The following HDAC9 variants were observed in gnomAD, a reference collection of about 807,000 sequenced individuals.
HDAC9 encodes MEF-2 interacting transcription repressor (MITR) protein.
HDAC9 carries 41 observed loss-of-function variants against 139.4 expected under a neutral mutation model. The ratio of observed to expected loss-of-function variants is 0.29; its 90% CI spans 0.23 to 0.38. HDAC9 has a LOEUF of 0.38. Among genes scored for constraint, HDAC9 ranks in the 10% least tolerant of loss-of-function variants. The pLI, the probability that HDAC9 is intolerant of heterozygous loss-of-function variation, is 1.00. For missense variants in HDAC9, 1,147 were observed against 1,297.0 expected (o/e 0.88, Z 1.78); for synonymous variants, 517 against 476.2 (o/e 1.09, Z -1.12).
intron 22 of HDAC9, chr7:18,907,148 C>T (rs530648958): frequency 1.3e-5 from 2 of 152,304 alleles, no homozygotes; most frequent in African/African-American, 4.8e-5. Flanking sequence ...GGGTAGGAGT[C>T]AATCCTGCAG....
intron 21 of HDAC9, among the ~76,000 whole-genome samples, chr7:18,846,145 T>G (rs1292135684): frequency 6.6e-6 from 1 of 152,210 alleles, no homozygotes. Flanking sequence ...TGGGAAAAGT[T>G]TTTAATTCAA....
chr7:18,580,387 A>G lies in HDAC9; in HGVS notation c.23-4894A>G, dbSNP rs559667580. 1.2e-4 allele frequency among the ~76,000 whole-genome samples: 19 copies of G among 152,310 alleles called. No homozygotes were observed. The South Asian group carries it at 3.9e-3, about 32-fold the overall frequency. ...AGAACGGGCAGGACTTTGCAAGGTG[A>G]TAATTAAGACTAGTTAATATTTATG... On this transcript the variant is annotated intron_variant, in intron 2 of 25. Coordinates refer to ENST00000686413, the MANE Select transcript of HDAC9 (RefSeq NM_178425.4).
chr7:18,358,709 T>C (rs1256973392), intron 1 of HDAC9, among the ~76,000 whole-genome samples: 1 of 152,216 alleles, frequency 6.6e-6, no homozygotes, highest in Non-Finnish European at 1.5e-5. Flanking sequence ...TATCACTTAG[T>C]ACTTAAGAAC....
At chr7:18,824,052 A>AAGG (rs1491059973) in intron 17 of HDAC9, among the ~76,000 whole-genome samples, 3 of 144,346 alleles carry the variant, frequency 2.1e-5, no homozygotes, top group Non-Finnish European at 3.0e-5. Context: ...GAGGAAGAAG[A>AAGG]AGAAGAAGAA....
At chr7:18,864,831 G>A (rs1798372925) in intron 21 of HDAC9, among the ~76,000 whole-genome samples, 1 of 151,268 alleles carries the variant, frequency 6.6e-6, no homozygotes, top group African/African-American at 2.5e-5. Context: ...TGGAACGGTG[G>A]TGATGGTTGC....
In HDAC9 at chr7:18,600,006, C is replaced by T. The variant is rs537259838; in HGVS notation, c.664+5977C>T. 7.3e-5 allele frequency among the ~76,000 whole-genome samples: 11 copies of T among 151,340 alleles called. No homozygotes were observed. The South Asian group carries it at 1.0e-3, about 14-fold the overall frequency. Reference sequence around the variant, plus strand: ...TTTTTTAATTTTAGCCATTCTAATACGTATGTAGTGGTTTCTCATTGTGGT... The same window carrying T: ...TTTTTTAATTTTAGCCATTCTAATATGTATGTAGTGGTTTCTCATTGTGGT... On this transcript the variant is annotated intron_variant, in intron 6 of 25. Transcript: ENST00000686413.
intron 1 of HDAC9, among the ~76,000 whole-genome samples, chr7:18,369,256 G>A (rs1443899423): frequency 4.0e-5 from 6 of 151,856 alleles, no homozygotes; most frequent in Non-Finnish European, 7.4e-5. Flanking sequence ...GCAGAATAGT[G>A]GAATTCGTAT....
intron 21 of HDAC9, among the ~76,000 whole-genome samples, chr7:18,862,505 T>G (rs1208418385): frequency 6.6e-6 from 1 of 152,164 alleles, no homozygotes; most frequent in Non-Finnish European, 1.5e-5. Flanking sequence ...CCCCTACAAT[T>G]GTACACTGAA....
chr7:18,623,418 C>G (rs976495698), intron 6 of HDAC9, among the ~76,000 whole-genome samples: 3 of 151,956 alleles, frequency 2.0e-5, no homozygotes, highest in Non-Finnish European at 4.4e-5. Flanking sequence ...CCATCTCTCT[C>G]TCTACTTATT....
chr7:18,644,632 A>G (rs201219679), intron 8 of HDAC9, 39 bp from the exon 9 acceptor site: 430 of 1,561,494 alleles, frequency 2.8e-4, no homozygotes, highest in Non-Finnish European at 3.5e-4. Flanking sequence ...AAAATTTGTG[A>G]TACTGTGGTA....
chr7:18,604,662 G>C (rs1014669432), intron 6 of HDAC9, among the ~76,000 whole-genome samples: 7 of 152,070 alleles, frequency 4.6e-5, no homozygotes, highest in South Asian at 2.1e-4. Flanking sequence ...GCTTCCCAAA[G>C]TGCTGGGATT....
intron 6 of HDAC9, among the ~76,000 whole-genome samples, chr7:18,623,681 C>G (rs546023253): frequency 2.1e-4 from 32 of 152,148 alleles, no homozygotes; most frequent in Middle Eastern, 3.2e-3. Context: ...CAGTGGCTCA[C>G]GCTTGTAATC....
chr7:18,967,475 A>G (rs1411772852), intron 24 of HDAC9, among the ~76,000 whole-genome samples: 1 of 151,022 alleles, frequency 6.6e-6, no homozygotes, highest in African/African-American at 2.5e-5. Context: ...GAATCAAAGC[A>G]AAATTTTTGT....
At chr7:18,679,771 A>T (rs1264959553) in intron 12 of HDAC9, among the ~76,000 whole-genome samples, 1 of 151,852 alleles carries the variant, frequency 6.6e-6, no homozygotes, top group African/African-American at 2.4e-5. Context: ...TATAACATCT[A>T]AATACTAGGT....
intron 2 of HDAC9, among the ~76,000 whole-genome samples, chr7:18,556,462 A>T (rs1464523659): frequency 6.6e-6 from 1 of 152,078 alleles, no homozygotes; most frequent in Non-Finnish European, 1.5e-5. Context: ...TTTGGGCAAA[A>T]ATTGGAAGAC....
At chr7:18,286,463 TTA>T (rs1797461830), upstream of HDAC9, among the ~76,000 whole-genome samples, 2 of 119,134 alleles carry the variant, frequency 1.7e-5, no homozygotes, top group Admixed American at 1.7e-4. Context: ...TTAAGTGGTC[TTA>T]TTATGTATGA....
intron 17 of HDAC9, among the ~76,000 whole-genome samples, chr7:18,818,641 GT>G (rs1794743453): frequency 6.6e-6 from 1 of 152,162 alleles, no homozygotes; most frequent in Non-Finnish European, 1.5e-5. Flanking sequence ...ATTGCTTAGT[GT>G]TTGTTAAAGT....
chr7:18,844,387 A>C (rs1338477399), intron 21 of HDAC9, among the ~76,000 whole-genome samples: 4 of 152,218 alleles, frequency 2.6e-5, no homozygotes, highest in Non-Finnish European at 5.9e-5. Flanking sequence ...AGGACAAAAT[A>C]GATTATTCAG....
At chr7:18,659,922 C>T (rs1432873276) in intron 11 of HDAC9, among the ~76,000 whole-genome samples, 1 of 152,156 alleles carries the variant, frequency 6.6e-6, no homozygotes, top group East Asian at 1.9e-4. Flanking sequence ...CCTGCCACCC[C>T]ACTGAGAGTA....
Sources: gnomAD v4.1 joint callset for allele counts (sites outside exome capture counted in the v4.1 genomes callset) on GRCh38, gnomAD v4.1.1 for gene constraint, MANE v1.5 for transcripts, NCBI Gene and HGNC (gene_info 2026-07-23, HGNC 2026-07-21) for gene names.